Variants in DTNA observed in about 807,000 individuals in gnomAD.
DTNA encodes dystrophin-related protein 3.
A neutral mutation model predicts 100.7 loss-of-function variants in DTNA; 43 were observed. That is an observed-to-expected ratio of 0.43 (90% CI 0.33 to 0.55). The LOEUF (loss-of-function observed/expected upper bound fraction) is 0.55. Among genes scored for constraint, DTNA ranks in the 20% least tolerant of loss-of-function variants. The pLI is 0.04. For missense variants in DTNA, 798 were observed against 953.9 expected (o/e 0.84, Z 2.15); for synonymous variants, 349 against 347.9 (o/e 1.00, Z -0.04).
At chr18:34,718,676 T>A (rs990385755) in intron 1 of DTNA, among the ~76,000 whole-genome samples, 14 of 151,462 alleles carry the variant, frequency 9.2e-5, no homozygotes, top group African/African-American at 3.4e-4. Context: ...GTGGAGGAGG[T>A]GGAGTATGGT....
chr18:34,829,112 A>C, intron 10 of DTNA: 1 of 1,614,068 alleles, frequency 6.2e-7, no homozygotes, highest in Non-Finnish European at 8.5e-7. Context: ...TATTCCTATA[A>C]TACTTTGAGC....
At chr18:34,814,056 A>G (rs1225082529) in intron 6 of DTNA, among the ~76,000 whole-genome samples, 7 of 152,102 alleles carry the variant, frequency 4.6e-5, no homozygotes. Context: ...TTAACAATAT[A>G]AAGTTCATAG....
chr18:34,881,939 A>G, intron 20 of DTNA, 130 bp from the exon 21 acceptor site: 1 of 1,267,388 alleles, frequency 7.9e-7, no homozygotes, highest in Middle Eastern at 2.0e-4. Context: ...ATTACTAAAG[A>G]AGACATGAAA....
intron 1 of DTNA, among the ~76,000 whole-genome samples, chr18:34,655,515 A>G (rs562926863): frequency 3.3e-5 from 5 of 152,224 alleles, no homozygotes; most frequent in Non-Finnish European, 7.3e-5. Flanking sequence ...AATGAAAAAG[A>G]AAAGTTCTCA....
At chr18:34,703,684 C>T (rs1040419427) in intron 1 of DTNA, among the ~76,000 whole-genome samples, 1 of 152,126 alleles carries the variant, frequency 6.6e-6, no homozygotes, top group African/African-American at 2.4e-5. Flanking sequence ...ACCACAGACA[C>T]CCAGAAGTGT....
In DTNA at chr18:34,521,108, A is replaced by G. The variant is rs1232519820; in HGVS notation, c.-2+27594A>G. ...TTTTATTTACAGCTGCTTACTCAATATTTCAAACAACTCTTGATTACTCCT... is the reference window on the plus strand; with the variant it reads ...TTTTATTTACAGCTGCTTACTCAATGTTTCAAACAACTCTTGATTACTCCT... On this transcript the variant is annotated intron_variant, in intron 1 of 19. Coordinates refer to the DTNA transcript ENST00000283365. Among the ~76,000 whole-genome samples the G allele has an allele frequency of 2.0e-5, 3 of 152,198 alleles. No individual in the cohort carries two copies. In the East Asian group the frequency reaches 5.8e-4, roughly 29 times the overall value.
chr18:34,757,423 A>G (rs1002587041), intron 2 of DTNA: 1 of 152,296 alleles, frequency 6.6e-6, no homozygotes, highest in East Asian at 1.9e-4. Context: ...CAGACACAGT[A>G]GAAAAAAAAT....
intron 1 of DTNA, among the ~76,000 whole-genome samples, chr18:34,512,422 A>C (rs904728148): frequency 6.6e-6 from 1 of 151,958 alleles, no homozygotes; most frequent in Non-Finnish European, 1.5e-5. Flanking sequence ...GTTAACTACT[A>C]CTGAAATGTA....
chr18:34,866,029 A>G, intron 17 of DTNA: 1 of 1,500,264 alleles, frequency 6.7e-7, no homozygotes, highest in South Asian at 1.1e-5. Context: ...ATGTTTCCCC[A>G]TCTTGCGTTC....
upstream of DTNA, among the ~76,000 whole-genome samples, chr18:34,705,495 G>T (rs186503338): frequency 2.0e-5 from 3 of 152,256 alleles, no homozygotes; most frequent in Non-Finnish European, 4.4e-5. Flanking sequence ...GACTCACAAA[G>T]AACTCTGTTT....
At chr18:34,755,783 C>T in intron 1 of DTNA, 193 bp from the exon 2 acceptor site, 1 of 571,396 alleles carries the variant, frequency 1.8e-6, no homozygotes, top group Non-Finnish European at 3.1e-6. Context: ...ACAACTACAA[C>T]AATAATATAT....
chr18:34,699,113 TAGTC>T (rs1172505179), intron 1 of DTNA, among the ~76,000 whole-genome samples: 15 of 151,928 alleles, frequency 9.9e-5, no homozygotes, highest in African/African-American at 2.4e-4. Context: ...CTCCTTGTAT[TAGTC>T]AGGGTTGTCC....
intron 1 of DTNA, among the ~76,000 whole-genome samples, chr18:34,649,454 C>A (rs1004887150): frequency 2.0e-5 from 3 of 152,178 alleles, no homozygotes; most frequent in African/African-American, 7.2e-5. Flanking sequence ...GATAGAGCCT[C>A]ATTTCTGTGA....
intron 22 of DTNA, 101 bp downstream of exon 22, chr18:34,884,877 T>A: frequency 7.2e-7 from 1 of 1,387,576 alleles, no homozygotes; most frequent in Non-Finnish European, 1.0e-6. Context: ...CATTTCTTTC[T>A]ATGTGATAAA....
intron 1 of DTNA, among the ~76,000 whole-genome samples, chr18:34,626,833 A>G (rs1172387929): frequency 1.3e-5 from 2 of 152,180 alleles, no homozygotes; most frequent in East Asian, 3.9e-4. Flanking sequence ...TTATATCCAG[A>G]TATTATTTAT....
intron 3 of DTNA, among the ~76,000 whole-genome samples, chr18:34,768,281 A>ATTTC (rs2093593030): frequency 6.6e-6 from 1 of 152,104 alleles, no homozygotes; most frequent in African/African-American, 2.4e-5. Context: ...CCAATAAAAG[A>ATTTC]CTACAAAATG....
At chr18:34,512,292 C>T (rs2041169277) in intron 1 of DTNA, among the ~76,000 whole-genome samples, 1 of 151,840 alleles carries the variant, frequency 6.6e-6, no homozygotes, top group African/African-American at 2.4e-5. Context: ...AGCTTCAGTA[C>T]CTTACTGTGT....
chr18:34,793,864 A>C (rs372400962), intron 3 of DTNA, among the ~76,000 whole-genome samples, 173 bp from the exon 4 acceptor site: 5 of 152,356 alleles, frequency 3.3e-5, no homozygotes, highest in South Asian at 2.1e-4. Flanking sequence ...TATGTAATGC[A>C]CATCAAGTCT....
chr18:34,785,553 C>T (rs1487544937), intron 3 of DTNA, among the ~76,000 whole-genome samples: 1 of 152,124 alleles, frequency 6.6e-6, no homozygotes, highest in Non-Finnish European at 1.5e-5. Flanking sequence ...AGAACTCTAT[C>T]AGAAAGGATA....
Sources: allele counts gnomAD v4.1 joint callset (sites outside exome capture counted in the v4.1 genomes callset), GRCh38; gene constraint gnomAD v4.1.1; transcripts MANE v1.5; gene names NCBI Gene and HGNC (gene_info 2026-07-23, HGNC 2026-07-21).